The following ADGRB3 variants were observed in gnomAD, a reference collection of about 807,000 sequenced individuals.
ADGRB3 encodes the protein adhesion G protein-coupled receptor B3.
In ADGRB3, 37 loss-of-function variants were observed where a neutral mutation model predicts 193.4. That is an observed-to-expected ratio of 0.19 (90% CI 0.15 to 0.25). The LOEUF (loss-of-function observed/expected upper bound fraction) is 0.25, where lower values mean the gene tolerates loss of function less well. ADGRB3 is among the 10% of genes least tolerant of loss of function. The pLI is 1.00. For synonymous variants in ADGRB3, 690 were observed against 644.2 expected, an observed-to-expected ratio of 1.07 and a Z score of -1.08; for missense variants, 1,637 against 1,852.9, an observed-to-expected ratio of 0.88 and a Z score of 2.14.
chr6:69,065,938 T>C (rs1270681149), intron 16 of ADGRB3, among the ~76,000 whole-genome samples: 1 of 151,984 alleles, frequency 6.6e-6, no homozygotes, highest in Admixed American at 6.6e-5. Context: ...ATAAAAACTA[T>C]TTACATAGTA....
intron 28 of ADGRB3, among the ~76,000 whole-genome samples, chr6:69,359,611 C>A (rs904856358): frequency 1.3e-5 from 2 of 151,686 alleles, no homozygotes; most frequent in Non-Finnish European, 3.0e-5. Context: ...AAGACATAAT[C>A]TTTTTCAACT....
chr6:69,384,147 T>A (rs1412652232), intron 31 of ADGRB3, among the ~76,000 whole-genome samples: 1 of 152,064 alleles, frequency 6.6e-6, no homozygotes, highest in Non-Finnish European at 1.5e-5. Context: ...AGCATGGCTA[T>A]GATCATTCAA....
At chr6:68,908,352 G>A (rs545494588) in intron 3 of ADGRB3, among the ~76,000 whole-genome samples, 2 of 152,048 alleles carry the variant, frequency 1.3e-5, no homozygotes, top group South Asian at 2.1e-4. Flanking sequence ...CCTTCTGAAC[G>A]CCTAAGAGCA....
At position 69,388,951 on chromosome 6, in the gene ADGRB3, G is replaced by A; in HGVS notation, c.*60G>A. On this transcript the variant is annotated 3_prime_UTR_variant, in exon 32 of 32. Transcript: ENST00000370598. Reference sequence around the variant, plus strand: ...TTATTGCACTGACACTTAAGACTTGGGAAGCCTGACATTTCTATCTGGACA... The same window carrying A: ...TTATTGCACTGACACTTAAGACTTGAGAAGCCTGACATTTCTATCTGGACA... The A allele has an allele frequency of 6.7e-7, 1 of 1,499,414 alleles. No individual in the cohort carries two copies. The highest frequency in any genetic ancestry group is 9.0e-7 in the Non-Finnish European group (1 of 1,109,900). The allele number at this position is 1,499,414 out of a possible 1,614,324, so 92.9% of individuals were successfully genotyped here. A position where few individuals can be genotyped will look rare whatever the true frequency, so the allele number is the denominator to read the frequency against.
chr6:68,700,382 A>G (rs1366939901), intron 3 of ADGRB3, among the ~76,000 whole-genome samples: 1 of 152,058 alleles, frequency 6.6e-6, no homozygotes, highest in Non-Finnish European at 1.5e-5. Context: ...ACTGCAATCA[A>G]TATAAGAGGA....
intron 3 of ADGRB3, among the ~76,000 whole-genome samples, chr6:68,846,326 A>G (rs1033928481): frequency 1.3e-5 from 2 of 152,238 alleles, no homozygotes; most frequent in East Asian, 3.8e-4. Context: ...TTTTCTGGGG[A>G]GAAATTCAAG....
At chr6:69,016,875 G>A (rs12333107) in intron 12 of ADGRB3, among the ~76,000 whole-genome samples, 5,825 of 151,852 alleles carry the variant, frequency 0.038, 396 homozygotes, top group African/African-American at 0.13. Context: ...AAAAAAATAA[G>A]CCTCTTATTT....
chr6:68,937,151 G>C lies in ADGRB3; in HGVS notation c.1030+471G>C, dbSNP rs1396369922. On this transcript the variant is annotated intron_variant, in intron 5 of 31. Coordinates refer to ENST00000370598, the MANE Select transcript of ADGRB3 (RefSeq NM_001704.3). The stretch of plus-strand genomic sequence containing the variant: ...GTGTCCCTGACCAAATAACTTCTTG[G>C]TATTTTATTTCATTAAAGTAACTTT... Among the ~76,000 whole-genome samples, 4 of 151,906 alleles carry C rather than the reference G, an allele frequency of 2.6e-5. No individual in the cohort carries two copies. The South Asian group carries it at 8.3e-4, about 31-fold the overall frequency.
At chr6:68,996,342 G>A (rs931894522) in intron 11 of ADGRB3, among the ~76,000 whole-genome samples, 1 of 151,950 alleles carries the variant, frequency 6.6e-6, no homozygotes, top group African/African-American at 2.4e-5. Context: ...TCCCTCGCCT[G>A]TTTACCTACA....
At chr6:69,319,620 T>C (rs570294874) in intron 20 of ADGRB3, among the ~76,000 whole-genome samples, 1 of 151,490 alleles carries the variant, frequency 6.6e-6, no homozygotes, top group Non-Finnish European at 1.5e-5. Flanking sequence ...AAAATTATTA[T>C]TGTTTTTATA....
At chr6:68,915,605 C>T (rs79971615) in intron 3 of ADGRB3, among the ~76,000 whole-genome samples, 1,865 of 152,158 alleles carry the variant, frequency 0.012, 12 homozygotes, top group Non-Finnish European at 0.021. Flanking sequence ...AGAGTGTCCT[C>T]GGCCTTTGTA....
chr6:69,183,861 T>G (rs1285205112), intron 17 of ADGRB3, among the ~76,000 whole-genome samples: 1 of 152,132 alleles, frequency 6.6e-6, no homozygotes, highest in Non-Finnish European at 1.5e-5. Context: ...TATCATGCTC[T>G]GTGTTTCCGG....
intron 20 of ADGRB3, among the ~76,000 whole-genome samples, chr6:69,256,423 C>T (rs1431773786): frequency 6.6e-6 from 1 of 152,138 alleles, no homozygotes; most frequent in East Asian, 1.9e-4. Context: ...CTTCACGTCC[C>T]TTGTAAGGTG....
intron 17 of ADGRB3, among the ~76,000 whole-genome samples, chr6:69,195,500 A>G (rs1765276158): frequency 6.7e-6 from 1 of 149,392 alleles, no homozygotes; most frequent in Non-Finnish European, 1.5e-5. Flanking sequence ...ATTAGCCTCA[A>G]TGACAGAGTG....
chr6:68,670,018 A>G (rs1768905969), intron 3 of ADGRB3, among the ~76,000 whole-genome samples: 2 of 152,018 alleles, frequency 1.3e-5, no homozygotes, highest in African/African-American at 4.8e-5. Flanking sequence ...TCTGATGATC[A>G]GTGATGTTGA....
chr6:68,850,292 G>A (rs926186899), intron 3 of ADGRB3, among the ~76,000 whole-genome samples: 1 of 151,882 alleles, frequency 6.6e-6, no homozygotes, highest in African/African-American at 2.4e-5. Context: ...AAGGGCACCT[G>A]AGTATAGTTA....
intron 17 of ADGRB3, among the ~76,000 whole-genome samples, chr6:69,225,919 A>C (rs1315041925): frequency 6.6e-6 from 1 of 152,212 alleles, no homozygotes; most frequent in East Asian, 1.9e-4. Context: ...GGCAGGTAGC[A>C]TATTTTAACC....
intron 10 of ADGRB3, among the ~76,000 whole-genome samples, chr6:68,991,898 ATAAT>A (rs1769249500): frequency 6.6e-6 from 1 of 152,184 alleles, no homozygotes; most frequent in Non-Finnish European, 1.5e-5. Flanking sequence ...AATTACATAA[ATAAT>A]AAGCTGCAAA....
chr6:68,958,596 A>G (rs1768142368), intron 8 of ADGRB3, among the ~76,000 whole-genome samples: 2 of 152,154 alleles, frequency 1.3e-5, no homozygotes, highest in South Asian at 4.1e-4. Context: ...TCTATTTATG[A>G]AAAAGATAGT....
Sources: allele counts gnomAD v4.1 joint callset (sites outside exome capture counted in the v4.1 genomes callset), GRCh38; gene constraint gnomAD v4.1.1; transcripts MANE v1.5; gene names NCBI Gene and HGNC (gene_info 2026-07-23, HGNC 2026-07-21).